AGPS: variants seen among roughly 807,000 people sequenced by gnomAD.
AGPS encodes the protein alkylglycerone phosphate synthase, also known as alkyldihydroxyacetonephosphate synthase, peroxisomal.
A neutral mutation model predicts 90.7 loss-of-function variants in AGPS; 26 were observed. The observed-to-expected ratio is 0.29, with a 90% confidence interval of 0.21 to 0.40. The LOEUF is 0.40. Ranked by LOEUF, AGPS falls within the 10% of genes least tolerant of loss-of-function variation. The pLI is 1.00. For missense variants in AGPS, 540 were observed against 816.1 expected (o/e 0.66, Z 4.12); for synonymous variants, 294 against 285.3 (o/e 1.03, Z -0.31).
At chr2:177,451,983 G>A (rs1038240882) in intron 8 of AGPS, among the ~76,000 whole-genome samples, 8 of 151,626 alleles carry the variant, frequency 5.3e-5, no homozygotes, top group Non-Finnish European at 1.5e-5. Flanking sequence ...AATTATTTTG[G>A]GATTTTTCCA....
At chr2:177,402,297 A>C (rs1685352283) in intron 1 of AGPS, among the ~76,000 whole-genome samples, 1 of 152,190 alleles carries the variant, frequency 6.6e-6, no homozygotes, top group Non-Finnish European at 1.5e-5. Flanking sequence ...CAAATATCCT[A>C]AGAGGAAATG....
At chr2:177,502,543 A>G (rs987698113) in intron 14 of AGPS, among the ~76,000 whole-genome samples, 24 of 151,206 alleles carry the variant, frequency 1.6e-4, no homozygotes, top group Non-Finnish European at 3.5e-4. Flanking sequence ...CAGCCGCCTG[A>G]GTAGCTGGGA....
intron 8 of AGPS, among the ~76,000 whole-genome samples, chr2:177,447,744 G>A (rs774918775): frequency 6.6e-6 from 1 of 151,076 alleles, no homozygotes; most frequent in Non-Finnish European, 1.5e-5. Flanking sequence ...TTTCTTTTTT[G>A]CCTCCAGTAG....
At chr2:177,463,981 G>A (rs1413725287) in intron 9 of AGPS, among the ~76,000 whole-genome samples, 1 of 151,902 alleles carries the variant, frequency 6.6e-6, no homozygotes. Context: ...CGCTCTTGTT[G>A]CCCAGGCTGG....
At chr2:177,418,445 A>G (rs997873646) in intron 1 of AGPS, among the ~76,000 whole-genome samples, 1 of 152,094 alleles carries the variant, frequency 6.6e-6, no homozygotes, top group African/African-American at 2.4e-5. Flanking sequence ...TAAACATGCC[A>G]GATTCAACCT....
chr2:177,414,900 G>GTGTGTGTGTGTGTT (rs1307432304), intron 1 of AGPS, among the ~76,000 whole-genome samples: 1 of 148,146 alleles, frequency 6.8e-6, no homozygotes, highest in Non-Finnish European at 1.5e-5. Flanking sequence ...GAAGGTTCGT[G>GTGTGTGTGTGTGTT]TGTGTGTGTG....
chr2:177,494,550 A>G (rs1415671540), intron 12 of AGPS, among the ~76,000 whole-genome samples: 1 of 152,208 alleles, frequency 6.6e-6, no homozygotes, highest in Non-Finnish European at 1.5e-5. Context: ...AGGCATTTGT[A>G]AAATTAGTTA....
At chr2:177,401,157 TG>T (rs1685319373) in intron 1 of AGPS, among the ~76,000 whole-genome samples, 1 of 152,236 alleles carries the variant, frequency 6.6e-6, no homozygotes, top group Non-Finnish European at 1.5e-5. Flanking sequence ...AATAGGCACA[TG>T]TGGCTAGTGA....
At position 177,482,048 on chromosome 2, in the gene AGPS, C is replaced by CT. The variant is rs746516471; in HGVS notation, c.1106-4dup. Reference sequence around the variant, plus strand: ...GTGATGTACTGGATTATTCCCCCTTCTTTTTTTCAGGAACTCTTGGTGTAA... The same window carrying CT: ...GTGATGTACTGGATTATTCCCCCTTCTTTTTTTTCAGGAACTCTTGGTGTAA... On this transcript the variant is annotated splice_polypyrimidine_tract_variant and intron_variant, in intron 10 of 19. Coordinates refer to ENST00000264167, the MANE Select transcript of AGPS (RefSeq NM_003659.4). 5.0e-6 allele frequency: 8 copies of CT among 1,591,948 alleles called. No individual in the cohort carries two copies. Among genetic ancestry groups the CT allele is most frequent in the East Asian group, 4.6e-5 (2 of 43,586 alleles).
chr2:177,532,855 AT>A (rs2079150454), intron 19 of AGPS, among the ~76,000 whole-genome samples: 1 of 152,208 alleles, frequency 6.6e-6, no homozygotes, highest in Non-Finnish European at 1.5e-5. Context: ...CCAGGGAATT[AT>A]GTTAAGTGAA....
rs71007994 is a variant in AGPS at position 177,442,828 on chromosome 2, CAA to C, written c.789+361_789+362del. 3.5e-3 allele frequency among the ~76,000 whole-genome samples: 349 copies of C among 99,382 alleles called. 1 individual carries two copies. The highest frequency in any genetic ancestry group is 8.9e-3 in the African/African-American group (231 of 26,006). 65.2% of individuals were successfully genotyped at this position (99,382 alleles called of 152,430 possible). ...CACCACTGCACTCCAGCCTGGGTGA[CAA>C]AAAAAAAAAAAAAAAAAAGAATCTA... is the stretch of plus-strand genomic sequence containing the variant. On this transcript the variant is annotated intron_variant, in intron 7 of 19. Coordinates refer to ENST00000264167, the MANE Select transcript of AGPS (RefSeq NM_003659.4).
intron 8 of AGPS, among the ~76,000 whole-genome samples, chr2:177,447,746 C>T (rs976307123): frequency 6.6e-6 from 1 of 151,830 alleles, no homozygotes; most frequent in Admixed American, 6.5e-5. Context: ...TCTTTTTTGC[C>T]TCCAGTAGGC....
chr2:177,436,139 A>ATTTTTTTTTTTTTTTTTTTTT (rs1172040227), intron 3 of AGPS, among the ~76,000 whole-genome samples: 1 of 82,124 alleles, frequency 1.2e-5, no homozygotes, highest in African/African-American at 4.7e-5. Context: ...GAAATGCTGA[A>ATTTTTTTTTTTTTTTTTTTTT]TTTTTTTTTT....
intron 11 of AGPS, among the ~76,000 whole-genome samples, chr2:177,486,958 G>A (rs1002390435): frequency 6.6e-6 from 1 of 151,818 alleles, no homozygotes; most frequent in Admixed American, 6.6e-5. Context: ...CCTTTATTCA[G>A]TAGATGGGTA....
intron 11 of AGPS, among the ~76,000 whole-genome samples, chr2:177,489,087 CTTTTTT>C (rs373471623): frequency 4.3e-5 from 6 of 139,982 alleles, no homozygotes; most frequent in Non-Finnish European, 9.2e-5. Flanking sequence ...TTTGATGTTT[CTTTTTT>C]TTTTTTTTTG....
At chr2:177,480,838 TAAAAC>T (rs2105692042) in intron 10 of AGPS, among the ~76,000 whole-genome samples, 1 of 152,144 alleles carries the variant, frequency 6.6e-6, no homozygotes, top group African/African-American at 2.4e-5. Context: ...GTAAAGATGC[TAAAAC>T]AAAAGAGAAC....
chr2:177,511,421 C>T (rs1240309947), intron 16 of AGPS, among the ~76,000 whole-genome samples: 1 of 151,906 alleles, frequency 6.6e-6, no homozygotes, highest in East Asian at 1.9e-4. Flanking sequence ...TTGGAGACAC[C>T]AGCAAGTCTT....
chr2:177,431,449 G>A (rs527386992), intron 2 of AGPS, among the ~76,000 whole-genome samples: 4 of 152,044 alleles, frequency 2.6e-5, no homozygotes, highest in East Asian at 1.9e-4. Context: ...GCAGAGAACC[G>A]GTCTGACCTC....
chr2:177,447,491 A>C (rs1031319602), intron 8 of AGPS, among the ~76,000 whole-genome samples: 20 of 152,210 alleles, frequency 1.3e-4, no homozygotes, highest in African/African-American at 4.8e-4. Flanking sequence ...TGCTTAAATG[A>C]GGCATTATCA....
Sources: allele counts gnomAD v4.1 joint callset (sites outside exome capture counted in the v4.1 genomes callset), GRCh38; gene constraint gnomAD v4.1.1; transcripts MANE v1.5; gene names NCBI Gene and HGNC (gene_info 2026-07-23, HGNC 2026-07-21).